Variants in NAV2 observed in about 807,000 individuals in gnomAD.
NAV2 encodes helicase, APC down-regulated 1.
In NAV2, 54 loss-of-function variants were observed where a neutral mutation model predicts 223.2. The observed-to-expected ratio is 0.24, with a 90% confidence interval of 0.19 to 0.30. The LOEUF is 0.30. Among genes scored for constraint, NAV2 ranks in the 10% least tolerant of loss-of-function variants. The pLI is 1.00. For missense variants in NAV2, 2,806 were observed against 3,147.5 expected, an observed-to-expected ratio of 0.89 and a Z score of 2.60; for synonymous variants, 1,279 against 1,239.3, an observed-to-expected ratio of 1.03 and a Z score of -0.67.
At chr11:19,861,008 G>C (rs1249816446) in intron 3 of NAV2, among the ~76,000 whole-genome samples, 1 of 149,176 alleles carries the variant, frequency 6.7e-6, no homozygotes, top group Non-Finnish European at 1.5e-5. Context: ...CTCGGCATCA[G>C]AGGGAGACGG....
At chr11:19,360,183 C>A (rs960992846) in intron 1 of NAV2, among the ~76,000 whole-genome samples, 8 of 152,202 alleles carry the variant, frequency 5.3e-5, no homozygotes, top group Non-Finnish European at 7.3e-5. Context: ...CCAGCCTGGT[C>A]TTAGCAAGAA....
In NAV2 at chr11:20,033,810, C is replaced by T. The variant is rs568602103; in HGVS notation, c.2769-2149C>T. On this transcript the variant is annotated intron_variant, in intron 11 of 37. Transcript: ENST00000349880. ...TCCAAGCTGCTGGAATGAACTAGAA[C>T]TTTGGGGTTATGTGTGTGTGTGGCA... 1.1e-4 allele frequency among the ~76,000 whole-genome samples: 16 copies of T among 146,634 alleles called. No homozygotes were observed. The South Asian group carries it at 3.0e-3, about 27-fold the overall frequency.
chr11:19,823,759 G>A (rs181858275), intron 1 of NAV2, among the ~76,000 whole-genome samples: 3 of 152,154 alleles, frequency 2.0e-5, no homozygotes, highest in Non-Finnish European at 4.4e-5. Context: ...CCCTGGGGCC[G>A]GGGCCTGTCG....
intron 1 of NAV2, among the ~76,000 whole-genome samples, chr11:19,689,901 A>G (rs2152257600): frequency 6.6e-6 from 1 of 152,364 alleles, no homozygotes; most frequent in East Asian, 1.9e-4. Context: ...ATGAGAATCA[A>G]ACAAATGCTG....
chr11:19,429,037 A>G (rs997938726), intron 1 of NAV2, among the ~76,000 whole-genome samples: 20 of 152,200 alleles, frequency 1.3e-4, no homozygotes, highest in African/African-American at 4.6e-4. Flanking sequence ...GGAATGGGGA[A>G]GACCCTAAAT....
intron 1 of NAV2, among the ~76,000 whole-genome samples, chr11:19,524,966 T>C (rs935984243): frequency 1.3e-5 from 2 of 152,224 alleles, no homozygotes; most frequent in Non-Finnish European, 2.9e-5. Context: ...AGTTTGGAGA[T>C]GTGGGGTTTT....
At chr11:19,457,153 A>G (rs1022488620) in intron 1 of NAV2, among the ~76,000 whole-genome samples, 2 of 152,258 alleles carry the variant, frequency 1.3e-5, no homozygotes, top group Non-Finnish European at 2.9e-5. Flanking sequence ...TTTATACTCT[A>G]AATGGAGAAG....
chr11:19,700,385 C>T lies in NAV2; in HGVS notation c.76-132099C>T, dbSNP rs146044461. On this transcript the variant is annotated intron_variant, in intron 1 of 37. Transcript: ENST00000360655. ...AATCATCCTTTTAACCAGTAAGCTC[C>T]ACTGCCTCTCTTTAATCTTCCCCCT... is the stretch of plus-strand genomic sequence containing the variant. Among the ~76,000 whole-genome samples, 59 of 152,292 alleles carry T rather than the reference C, an allele frequency of 3.9e-4. 1 individual carries two copies. In the East Asian group the frequency reaches 0.011, roughly 28 times the overall value.
At chr11:19,529,405 G>A (rs2043953459) in intron 1 of NAV2, among the ~76,000 whole-genome samples, 2 of 152,168 alleles carry the variant, frequency 1.3e-5, no homozygotes, top group Non-Finnish European at 2.9e-5. Flanking sequence ...GTGTACTTGT[G>A]TGAAAGGACA....
At chr11:19,386,499 T>C (rs913111685) in intron 1 of NAV2, among the ~76,000 whole-genome samples, 7 of 152,208 alleles carry the variant, frequency 4.6e-5, no homozygotes, top group African/African-American at 9.7e-5. Flanking sequence ...TGAATCTCAG[T>C]GGAGGCATAA....
rs189579058 is a variant in NAV2, at chr11:19,998,660, G to A, written c.2768+14413G>A. The stretch of plus-strand genomic sequence containing the variant: ...CTGGACGTGCCGGATCTTCTCTTTC[G>A]TCAGAAGCTTTGCACATACTGTCCC... On this transcript the variant is annotated intron_variant, in intron 11 of 37. Coordinates refer to ENST00000349880, the MANE Select transcript of NAV2 (RefSeq NM_145117.5). This position sits in a 1 kb window ranked among gnomAD's most constrained non-coding sequence, Gnocchi z 5.0. Among the ~76,000 whole-genome samples, 24 of 151,882 alleles carry A rather than the reference G, an allele frequency of 1.6e-4. No homozygotes were observed. Among genetic ancestry groups the A allele is most frequent in the East Asian group, 5.8e-4 (3 of 5,150 alleles).
chr11:19,921,539 C>G lies in NAV2; in HGVS notation c.932-11637C>G, dbSNP rs115549809. Among the ~76,000 whole-genome samples, 1,376 of 152,312 alleles carry G rather than the reference C, an allele frequency of 9.0e-3. 23 individuals carry two copies. Among genetic ancestry groups the G allele is most frequent in the African/African-American group, 0.031 (1,291 of 41,564 alleles). On this transcript the variant is annotated intron_variant, in intron 6 of 37. Transcript: ENST00000349880. ...AGGGAAGGAGTTAAAGGTCAACAAA[C>G]TTTGTTGTAAAGTTTCTAAAAGCTG...
intron 1 of NAV2, among the ~76,000 whole-genome samples, chr11:19,706,738 G>A (rs934048721): frequency 6.6e-6 from 1 of 152,250 alleles, no homozygotes; most frequent in Admixed American, 6.5e-5. Context: ...ATTAATTATT[G>A]AGCCACTGAT....
chr11:19,813,066 T>C (rs1565359070), intron 1 of NAV2, among the ~76,000 whole-genome samples: 1 of 152,106 alleles, frequency 6.6e-6, no homozygotes, highest in African/African-American at 2.4e-5. Flanking sequence ...CTCTACAAAG[T>C]TGAATGAAGG....
chr11:19,633,218 C>T (rs992055387), intron 1 of NAV2, among the ~76,000 whole-genome samples: 8 of 152,266 alleles, frequency 5.3e-5, no homozygotes, highest in South Asian at 4.1e-4. Context: ...TTTGCCTTCC[C>T]GATCTCCCTG....
At chr11:20,009,581 T>C (rs1297854837) in intron 11 of NAV2, among the ~76,000 whole-genome samples, 1 of 152,222 alleles carries the variant, frequency 6.6e-6, no homozygotes, top group Non-Finnish European at 1.5e-5. Flanking sequence ...TAATTTTCCT[T>C]TGGTATGTCT....
intron 24 of NAV2, among the ~76,000 whole-genome samples, chr11:20,079,465 G>C (rs2059957883): frequency 6.6e-6 from 1 of 152,202 alleles, no homozygotes; most frequent in African/African-American, 2.4e-5. Context: ...CTGTCCTCAT[G>C]AGAAAAACTA....
chr11:20,082,326 T>C (rs2060142646), intron 25 of NAV2, among the ~76,000 whole-genome samples: 1 of 152,142 alleles, frequency 6.6e-6, no homozygotes, highest in Non-Finnish European at 1.5e-5. Context: ...GAGGCAGCCA[T>C]TTCAGCCAGA....
chr11:19,716,034 T>G (rs527993807), intron 1 of NAV2, among the ~76,000 whole-genome samples: 49 of 151,744 alleles, frequency 3.2e-4, no homozygotes, highest in African/African-American at 1.1e-3. Context: ...TCTCCCACAG[T>G]CTGCCTGATA....
Sources: allele counts gnomAD v4.1 joint callset (sites outside exome capture counted in the v4.1 genomes callset), GRCh38; gene constraint gnomAD v4.1.1; non-coding constraint Gnocchi (gnomAD v3.1); transcripts MANE v1.5; gene names NCBI Gene and HGNC (gene_info 2026-07-23, HGNC 2026-07-21).